HDDC2: variants seen among roughly 807,000 people sequenced by gnomAD.
The protein encoded by HDDC2 is 5'-deoxynucleotidase HDDC2.
A neutral mutation model predicts 25.5 loss-of-function variants in HDDC2; 25 were observed. The ratio of observed to expected loss-of-function variants is 0.98; its 90% CI spans 0.72 to 1.37. HDDC2 has a LOEUF of 1.37. Among genes scored for constraint, HDDC2 ranks in the 40% most tolerant of loss-of-function variants. The pLI, the probability that HDDC2 is intolerant of heterozygous loss-of-function variation, is 0.00. For synonymous variants in HDDC2, 106 were observed against 89.7 expected (o/e 1.18, Z -1.03); for missense variants, 264 against 253.1 (o/e 1.04, Z -0.29).
intron 2 of HDDC2, 162 bp downstream of exon 2, chr6:125,300,376 G>C (rs1028849149): frequency 7.5e-6 from 6 of 804,520 alleles, no homozygotes; most frequent in Non-Finnish European, 1.1e-5. Flanking sequence ...CAACAACTGA[G>C]GCAACATAAC....
intron 4 of HDDC2, among the ~76,000 whole-genome samples, chr6:125,283,815 C>T (rs60707473): frequency 0.16 from 24,622 of 152,118 alleles, 2,121 homozygotes; most frequent in Middle Eastern, 0.21. Flanking sequence ...AAAAAAACTA[C>T]TTTAAATTTC....
chr6:125,288,440 C>T (rs1345289934), intron 4 of HDDC2, among the ~76,000 whole-genome samples: 1 of 152,104 alleles, frequency 6.6e-6, no homozygotes, highest in Non-Finnish European at 1.5e-5. Flanking sequence ...CAGGAGAGGA[C>T]TCAGACTGGG....
At chr6:125,293,309 G>T (rs1417699) in intron 3 of HDDC2, 2 of 230,052 alleles carry the variant, frequency 8.7e-6, no homozygotes, top group Admixed American at 5.0e-5. Context: ...GGGGAGAATG[G>T]GAAAGGAATA....
intron 5 of HDDC2, chr6:125,276,492 A>C (rs922689618): frequency 2.1e-6 from 1 of 477,330 alleles, no homozygotes; most frequent in Non-Finnish European, 3.7e-6. Flanking sequence ...TCAATTAGGC[A>C]GAGGTAGGGG....
chr6:125,301,482 G>GCACACACA lies in HDDC2; in HGVS notation c.84+359_84+366dup, dbSNP rs3839545. Among the ~76,000 whole-genome samples the GCACACACA allele has an allele frequency of 3.6e-4, 43 of 120,420 alleles. 1 individual carries two copies. The highest frequency in any genetic ancestry group is 5.0e-3 in the Middle Eastern group (1 of 200). 79.0% of individuals were successfully genotyped at this position (120,420 alleles called of 152,430 possible). ...ACACACACGAGTTCTGGGGTCGTGAGCACACACACACACACACACACACAC... is the reference window on the plus strand; with the variant it reads ...ACACACACGAGTTCTGGGGTCGTGAGCACACACACACACACACACACACACACACACAC... On this transcript the variant is annotated intron_variant, in intron 1 of 5. Coordinates refer to ENST00000398153, the MANE Select transcript of HDDC2 (RefSeq NM_016063.3).
At chr6:125,296,228 T>C (rs1048956020) in intron 3 of HDDC2, among the ~76,000 whole-genome samples, 11 of 152,172 alleles carry the variant, frequency 7.2e-5, no homozygotes, top group Middle Eastern at 3.2e-3. Context: ...TGACAAAGTA[T>C]ATGGAAGGGT....
At chr6:125,293,041 T>C (rs1798655144) in intron 3 of HDDC2, 132 bp from the exon 4 acceptor site, 4 of 743,296 alleles carry the variant, frequency 5.4e-6, no homozygotes, top group Non-Finnish European at 9.7e-6. Context: ...TGGCCTATAC[T>C]GGACAATATT....
At chr6:125,278,202 T>C (rs1490094360) in intron 4 of HDDC2, 2 of 152,244 alleles carry the variant, frequency 1.3e-5, no homozygotes, top group African/African-American at 4.8e-5. Flanking sequence ...TTGGATTTGA[T>C]AAAGCTGAGA....
rs191484950 is a variant in HDDC2 at position 125,277,319 on chromosome 6, C to T, written c.379-79G>A. The T allele has an allele frequency of 8.8e-5, 121 of 1,374,484 alleles. No individual in the cohort carries two copies. In the Admixed American group the frequency reaches 1.1e-3, roughly 12 times the overall value. The allele number at this position is 1,374,484 out of a possible 1,614,324, so 85.1% of individuals were successfully genotyped here. A position where few individuals can be genotyped will look rare whatever the true frequency, so the allele number is the denominator to read the frequency against. ...CTGGGAAAATTCTGACTCTGGTACC[C>T]GAAATCAGAGTGACAGCTACAAGTA... On this transcript the variant is annotated intron_variant, in intron 4 of 5. Coordinates refer to ENST00000398153, the MANE Select transcript of HDDC2 (RefSeq NM_016063.3).
At chr6:125,280,627 A>G (rs9491360) in intron 4 of HDDC2, among the ~76,000 whole-genome samples, 68,226 of 152,208 alleles carry the variant, frequency 0.45, 20,154 homozygotes, top group African/African-American at 0.84. Flanking sequence ...GGAGCCCACC[A>G]CATCGCTGCA....
intron 4 of HDDC2, among the ~76,000 whole-genome samples, chr6:125,282,966 A>G (rs1401121283): frequency 1.3e-5 from 2 of 152,212 alleles, no homozygotes; most frequent in Non-Finnish European, 2.9e-5. Flanking sequence ...AGAGCTAACT[A>G]TCCTAAATAT....
chr6:125,280,193 A>G (rs750264522), intron 4 of HDDC2, among the ~76,000 whole-genome samples: 3 of 152,212 alleles, frequency 2.0e-5, no homozygotes, highest in Non-Finnish European at 4.4e-5. Context: ...GCTGTGAGGA[A>G]GGGTGCATTC....
intron 5 of HDDC2, 172 bp from the exon 6 acceptor site, chr6:125,276,415 C>A: frequency 1.7e-6 from 1 of 594,066 alleles, no homozygotes; most frequent in Non-Finnish European, 3.0e-6. Context: ...AAGGGGACCA[C>A]TTGGCATTTA....
At chr6:125,285,203 T>C (rs1798512914) in intron 4 of HDDC2, among the ~76,000 whole-genome samples, 1 of 151,778 alleles carries the variant, frequency 6.6e-6, no homozygotes, top group Non-Finnish European at 1.5e-5. Flanking sequence ...TTAGGAGAAA[T>C]ACCTAATGTA....
chr6:125,294,189 T>C (rs1006424226), intron 3 of HDDC2, among the ~76,000 whole-genome samples: 1 of 152,222 alleles, frequency 6.6e-6, no homozygotes, highest in African/African-American at 2.4e-5. Flanking sequence ...ATAAAAACCA[T>C]TTTTGGCAAT....
rs141439188 is a variant in HDDC2 at position 125,297,111 on chromosome 6, A to T, written c.309+1603T>A. Among the ~76,000 whole-genome samples the T allele has an allele frequency of 2.2e-3, 333 of 152,302 alleles. 1 individual carries two copies. Among genetic ancestry groups the T allele is most frequent in the African/African-American group, 7.3e-3 (304 of 41,572 alleles). ...AATGTCCAGATTTACCCTTGAATAAAACTATCCTACAATGAGCTGTGTAAT... is the reference window on the plus strand; with the variant it reads ...AATGTCCAGATTTACCCTTGAATAATACTATCCTACAATGAGCTGTGTAAT... On this transcript the variant is annotated intron_variant, in intron 3 of 5. Coordinates refer to ENST00000398153, the MANE Select transcript of HDDC2 (RefSeq NM_016063.3).
At chr6:125,300,859 T>A (rs1329699419) in intron 1 of HDDC2, among the ~76,000 whole-genome samples, 200 bp from the exon 2 acceptor site, 1 of 151,768 alleles carries the variant, frequency 6.6e-6, no homozygotes, top group Non-Finnish European at 1.5e-5. Context: ...ATGAAAGGGG[T>A]AGAAGACAGA....
chr6:125,290,057 G>C (rs554469707), intron 4 of HDDC2, among the ~76,000 whole-genome samples: 1 of 152,206 alleles, frequency 6.6e-6, no homozygotes, highest in Non-Finnish European at 1.5e-5. Context: ...TCTGGGCTAA[G>C]AAATATTTTA....
chr6:125,283,057 A>C (rs1798481858), intron 4 of HDDC2, among the ~76,000 whole-genome samples: 1 of 152,256 alleles, frequency 6.6e-6, no homozygotes, highest in African/African-American at 2.4e-5. Flanking sequence ...AGAACCAATG[A>C]CAAAAATCAC....
Sources: allele counts gnomAD v4.1 joint callset (sites outside exome capture counted in the v4.1 genomes callset), GRCh38; gene constraint gnomAD v4.1.1; transcripts MANE v1.5; gene names NCBI Gene and HGNC (gene_info 2026-07-23, HGNC 2026-07-21).